The following TTC27 variants were observed in gnomAD, a reference collection of about 807,000 sequenced individuals.
TTC27 encodes the protein tetratricopeptide repeat domain 27, also known as tetratricopeptide repeat protein 27.
In TTC27, 79 loss-of-function variants were observed where a neutral mutation model predicts 115.9. The ratio of observed to expected loss-of-function variants is 0.68; its 90% CI spans 0.57 to 0.82. TTC27 has a LOEUF of 0.82. TTC27 is among the 40% of genes least tolerant of loss of function. TTC27 has a pLI of 0.00. For missense variants in TTC27, 1,054 were observed against 993.1 expected, an observed-to-expected ratio of 1.06 and a Z score of -0.82; for synonymous variants, 401 against 356.0, an observed-to-expected ratio of 1.13 and a Z score of -1.42.
chr2:32,787,247 G>A, intron 16 of TTC27, 98 bp downstream of exon 16: 1 of 1,357,236 alleles, frequency 7.4e-7, no homozygotes, highest in Non-Finnish European at 1.0e-6. Context: ...GGAAAATTTT[G>A]TTAAACACAT....
intron 10 of TTC27, among the ~76,000 whole-genome samples, chr2:32,718,792 T>G (rs1432327332): frequency 6.6e-6 from 1 of 152,102 alleles, no homozygotes; most frequent in Non-Finnish European, 1.5e-5. Flanking sequence ...TTGGCATGGG[T>G]CTTCCCTCTA....
intron 12 of TTC27, among the ~76,000 whole-genome samples, chr2:32,756,178 G>A (rs1357679118): frequency 6.6e-6 from 1 of 152,236 alleles, no homozygotes; most frequent in Non-Finnish European, 1.5e-5. Context: ...ACTGGCTAAA[G>A]CAGAAAGGAA....
intron 16 of TTC27, 34 bp downstream of exon 16, chr2:32,787,183 G>T: frequency 6.3e-7 from 1 of 1,585,330 alleles, no homozygotes; most frequent in South Asian, 1.2e-5. Context: ...TTCAGTTTGT[G>T]TTTGATACTA....
chr2:32,653,438 A>G (rs1300873884), intron 5 of TTC27, among the ~76,000 whole-genome samples: 2 of 152,102 alleles, frequency 1.3e-5, no homozygotes, highest in African/African-American at 2.4e-5. Flanking sequence ...TACTAAAAAC[A>G]TAAAAATTAG....
At chr2:32,685,020 T>C (rs1666581934) in intron 9 of TTC27, among the ~76,000 whole-genome samples, 1 of 146,810 alleles carries the variant, frequency 6.8e-6, no homozygotes, top group African/African-American at 2.5e-5. Context: ...TTTTCCTTTT[T>C]TTTTTTTTTT....
At chr2:32,754,961 G>T (rs926865723) in intron 12 of TTC27, among the ~76,000 whole-genome samples, 13 of 151,304 alleles carry the variant, frequency 8.6e-5, no homozygotes, top group African/African-American at 2.9e-4. Flanking sequence ...GCTGGGTGGA[G>T]GGGCTCCTCA....
intron 16 of TTC27, among the ~76,000 whole-genome samples, chr2:32,804,953 G>A (rs1230606895): frequency 2.6e-5 from 4 of 152,000 alleles, no homozygotes; most frequent in East Asian, 1.9e-4. Context: ...TGGTTGATTC[G>A]AGATTTAGCA....
chr2:32,820,908 C>G lies in TTC27; in HGVS notation c.2502C>G (p.Asp834Glu). The change falls in exon 20 of 20, where the codon GAC becomes GAG. Residue 834 changes from aspartate (D) to glutamate (E), a missense_variant. Coordinates refer to ENST00000317907, the MANE Select transcript of TTC27 (RefSeq NM_017735.5). ...AMDTLVTELQDLSNQFRNQY is the reference protein window; with the variant it reads ...AMDTLVTELQELSNQFRNQY ...ACACCTTAGTGACAGAGCTCCAAGA[C>G]CTAAGCAACCAGTTTCGAAATCAGT... 2.0e-6 allele frequency: 3 copies of G among 1,527,532 alleles called. No homozygotes were observed. In the East Asian group the frequency reaches 7.4e-5, roughly 38 times the overall value. The allele number at this position is 1,527,532 out of a possible 1,614,324, so 94.6% of individuals were successfully genotyped here.
chr2:32,639,868 G>A (rs1157665771), intron 3 of TTC27, among the ~76,000 whole-genome samples: 2 of 152,170 alleles, frequency 1.3e-5, no homozygotes, highest in Non-Finnish European at 1.5e-5. Flanking sequence ...GCTGGATGTG[G>A]TGGTGCGTGC....
chr2:32,793,984 A>G (rs749410040), intron 16 of TTC27, among the ~76,000 whole-genome samples: 5 of 152,178 alleles, frequency 3.3e-5, no homozygotes, highest in Non-Finnish European at 7.3e-5. Context: ...AATGCATTAA[A>G]TATATTAGTG....
intron 12 of TTC27, among the ~76,000 whole-genome samples, chr2:32,737,902 G>C (rs1209685993): frequency 2.0e-5 from 3 of 152,088 alleles, no homozygotes; most frequent in Admixed American, 6.6e-5. Flanking sequence ...TGTAATTCTA[G>C]TTACTTGGGA....
At position 32,736,673 on chromosome 2, in the gene TTC27, ATTTTT is replaced by A. The variant is rs1668461582; in HGVS notation, c.1330-20_1330-16del. The A allele has an allele frequency of 6.2e-7, 1 of 1,613,568 alleles. No homozygotes were observed. Among genetic ancestry groups the A allele is most frequent in the Non-Finnish European group, 8.5e-7 (1 of 1,179,702 alleles). ...CTTTTTACACCAAGAAGTATTAATT[ATTTTT>A]ACTTGATTTTTCTAGCGCCAACTTG... On this transcript the variant is annotated splice_polypyrimidine_tract_variant and intron_variant, in intron 11 of 19. Coordinates refer to ENST00000317907, the MANE Select transcript of TTC27 (RefSeq NM_017735.5).
At chr2:32,717,569 A>T (rs1667796118) in intron 10 of TTC27, among the ~76,000 whole-genome samples, 1 of 151,594 alleles carries the variant, frequency 6.6e-6, no homozygotes, top group Non-Finnish European at 1.5e-5. Flanking sequence ...GTATTGCCTC[A>T]TTGTGTAACT....
intron 4 of TTC27, among the ~76,000 whole-genome samples, chr2:32,645,696 C>A (rs557925525): frequency 2.6e-5 from 4 of 151,894 alleles, no homozygotes; most frequent in Non-Finnish European, 4.4e-5. Flanking sequence ...CTATCCCTCC[C>A]GCCTCCCCCC....
intron 12 of TTC27, among the ~76,000 whole-genome samples, chr2:32,738,916 A>G (rs1159262914): frequency 1.3e-5 from 2 of 152,230 alleles, no homozygotes; most frequent in Non-Finnish European, 2.9e-5. Context: ...CAAGCAACGT[A>G]TTGAAGGCAG....
intron 13 of TTC27, among the ~76,000 whole-genome samples, chr2:32,775,248 A>G (rs1389693947): frequency 6.6e-6 from 1 of 152,110 alleles, no homozygotes; most frequent in African/African-American, 2.4e-5. Context: ...CCCGGGCTGG[A>G]GTGCAGTGGC....
intron 13 of TTC27, among the ~76,000 whole-genome samples, chr2:32,764,407 CAA>C (rs1001151931): frequency 2.0e-5 from 3 of 151,864 alleles, no homozygotes; most frequent in African/African-American, 7.3e-5. Context: ...AAAAAACAAA[CAA>C]AAATCATAAA....
At chr2:32,667,414 CTT>C (rs58456949) in intron 7 of TTC27, among the ~76,000 whole-genome samples, 203 of 126,990 alleles carry the variant, frequency 1.6e-3, no homozygotes, top group African/African-American at 5.3e-3. Flanking sequence ...CCCCCAACTA[CTT>C]TTTTTTTTTT....
At chr2:32,804,233 C>A (rs1671056616) in intron 16 of TTC27, among the ~76,000 whole-genome samples, 1 of 152,090 alleles carries the variant, frequency 6.6e-6, no homozygotes, top group Non-Finnish European at 1.5e-5. Context: ...ATGACATTTT[C>A]ATACACAGTA....
Sources: gnomAD v4.1 joint callset for allele counts (sites outside exome capture counted in the v4.1 genomes callset) on GRCh38, gnomAD v4.1.1 for gene constraint, MANE v1.5 for transcripts, NCBI Gene and HGNC (gene_info 2026-07-23, HGNC 2026-07-21) for gene names.